Variants in AGAP1 observed in about 807,000 individuals in gnomAD.
AGAP1 encodes arf-GAP with GTPase, ANK repeat and PH domain-containing protein 1.
AGAP1 carries 29 observed loss-of-function variants against 105.3 expected under a neutral mutation model. That is an observed-to-expected ratio of 0.28 (90% CI 0.21 to 0.38). The LOEUF (loss-of-function observed/expected upper bound fraction) is 0.38, where lower values mean the gene tolerates loss of function less well. AGAP1 is among the 10% of genes least tolerant of loss of function. The probability of loss-of-function intolerance (pLI) is 1.00; values close to 1 mark genes in which losing one functional copy is unlikely to be tolerated. For synonymous variants in AGAP1, 509 were observed against 485.9 expected (o/e 1.05, Z -0.63); for missense variants, 998 against 1,165.1 (o/e 0.86, Z 2.09).
At chr2:235,688,005 C>T (rs1239069720) in intron 1 of AGAP1, among the ~76,000 whole-genome samples, 1 of 151,158 alleles carries the variant, frequency 6.6e-6, no homozygotes, top group Admixed American at 6.6e-5. Context: ...GGGTTCACGC[C>T]ATTCTCCCGC....
intron 3 of AGAP1, among the ~76,000 whole-genome samples, chr2:235,722,917 C>T (rs888498246): frequency 2.6e-4 from 40 of 151,982 alleles, no homozygotes; most frequent in Admixed American, 3.3e-4. Context: ...TATACACACA[C>T]TAAAAACTCA....
intron 1 of AGAP1, among the ~76,000 whole-genome samples, chr2:235,684,833 A>G (rs1182892777): frequency 2.0e-5 from 3 of 152,182 alleles, no homozygotes; most frequent in Non-Finnish European, 4.4e-5. Flanking sequence ...ATTGTGACCA[A>G]CAGGAGAGAC....
Position 236,077,142 on chromosome 2 carries a change from A to AATAT in AGAP1, c.2114+27876_2114+27879dup, listed in dbSNP as rs1340264497. 1.4e-4 allele frequency among the ~76,000 whole-genome samples: 15 copies of AATAT among 106,626 alleles called. No homozygotes were observed. The South Asian group carries it at 1.8e-3, about 12-fold the overall frequency. 70.0% of individuals were successfully genotyped at this position (106,626 alleles called of 152,430 possible). ...AAAAGAGTAGAAAAAAAAAAAAAAA[A>AATAT]ATATATATATATATATATTCATATT... On this transcript the variant is annotated intron_variant, in intron 16 of 17. Transcript: ENST00000304032.
intron 6 of AGAP1, among the ~76,000 whole-genome samples, chr2:235,770,800 C>T (rs1710823): frequency 0.25 from 38,538 of 152,010 alleles, 5,273 homozygotes; most frequent in Admixed American, 0.4. Context: ...GAATGTCTGA[C>T]CCCTGTACCG....
At position 236,002,364 on chromosome 2, in the gene AGAP1, T is replaced by C. The variant is rs930437639; in HGVS notation, c.1645+33741T>C. On this transcript the variant is annotated intron_variant, in intron 13 of 17. Coordinates refer to ENST00000304032, the MANE Select transcript of AGAP1 (RefSeq NM_001037131.3). The surrounding 1 kb of genome is among the most constrained non-coding windows in gnomAD (Gnocchi z 4.3). ...TGGACAGTCTGCAAATGACTTTCCT[T>C]CTTCCCTCATCCCCTTTCCCATCCT... Among the ~76,000 whole-genome samples, 1 of 152,202 alleles carries C rather than the reference T, an allele frequency of 6.6e-6. No individual in the cohort carries two copies.
intron 6 of AGAP1, among the ~76,000 whole-genome samples, chr2:235,759,293 C>T (rs1444096783): frequency 1.3e-5 from 2 of 151,804 alleles, no homozygotes; most frequent in Admixed American, 1.3e-4. Context: ...TTCAGCCTCC[C>T]AAGTAGCTGG....
chr2:235,614,421 C>T lies in AGAP1; in HGVS notation c.164-94758C>T, dbSNP rs764097213. Among the ~76,000 whole-genome samples the T allele has an allele frequency of 3.3e-5, 5 of 151,976 alleles. No individual in the cohort carries two copies. Among genetic ancestry groups the T allele is most frequent in the Non-Finnish European group, 7.3e-5 (5 of 68,028 alleles). The stretch of plus-strand genomic sequence containing the variant: ...GTCATCCCAGAGGAGCAGCAGCAAA[C>T]GGCCTGTGATGGGCTGGATGTATTT... On this transcript the variant is annotated intron_variant, in intron 1 of 17. Coordinates refer to ENST00000304032, the MANE Select transcript of AGAP1 (RefSeq NM_001037131.3). This position sits in a 1 kb window ranked among gnomAD's most constrained non-coding sequence, Gnocchi z 4.7.
At chr2:235,808,441 A>G (rs1055982031) in intron 9 of AGAP1, among the ~76,000 whole-genome samples, 2 of 152,202 alleles carry the variant, frequency 1.3e-5, no homozygotes. Flanking sequence ...GCAAATAGGA[A>G]CGCAGCCTTA....
chr2:235,499,760 G>A (rs767149305), intron 1 of AGAP1, among the ~76,000 whole-genome samples: 6 of 152,280 alleles, frequency 3.9e-5, no homozygotes, highest in South Asian at 2.1e-4. Flanking sequence ...TCTGCCCACC[G>A]TGTTTGGCTC....
At chr2:235,613,495 G>C (rs907898818) in intron 1 of AGAP1, among the ~76,000 whole-genome samples, 1 of 152,144 alleles carries the variant, frequency 6.6e-6, no homozygotes, top group African/African-American at 2.4e-5. Context: ...TTTTTGAGCA[G>C]AAACTGTGGA....
At chr2:235,654,605 G>T (rs1475655942) in intron 1 of AGAP1, among the ~76,000 whole-genome samples, 1 of 151,898 alleles carries the variant, frequency 6.6e-6, no homozygotes, top group African/African-American at 2.4e-5. Flanking sequence ...TGGAGATAAA[G>T]TGATCTCAAG....
At chr2:235,571,224 C>A (rs1232799017) in intron 1 of AGAP1, among the ~76,000 whole-genome samples, 1 of 152,232 alleles carries the variant, frequency 6.6e-6, no homozygotes, top group Non-Finnish European at 1.5e-5. Context: ...CACCAGGCCC[C>A]ACCTCCAACA....
At chr2:236,041,004 A>G (rs2057533617) in intron 15 of AGAP1, among the ~76,000 whole-genome samples, 163 bp downstream of exon 15, 1 of 152,194 alleles carries the variant, frequency 6.6e-6, no homozygotes, top group Non-Finnish European at 1.5e-5. Context: ...ACCTTAACAG[A>G]GTGCCTTCCA....
chr2:235,686,638 TATATATAGATATATATATATA>T (rs1949433530), intron 1 of AGAP1, among the ~76,000 whole-genome samples: 5 of 49,374 alleles, frequency 1.0e-4, no homozygotes, highest in Admixed American at 5.0e-4. Context: ...TATATATATA[TATATATAGATATATATATATA>T]TATATATTTT....
rs1039906310 is a variant in AGAP1, at chr2:236,003,192, A to G, written c.1646-33369A>G. On this transcript the variant is annotated intron_variant, in intron 13 of 17. Coordinates refer to ENST00000304032, the MANE Select transcript of AGAP1 (RefSeq NM_001037131.3). The surrounding 1 kb of genome is among the most constrained non-coding windows in gnomAD (Gnocchi z 4.2). Reference sequence around the variant, plus strand: ...CCCAAGTAGCTGGGACTACAGGCACATGCCGCCACGCCCAGCTAATTTTTG... The same window carrying G: ...CCCAAGTAGCTGGGACTACAGGCACGTGCCGCCACGCCCAGCTAATTTTTG... 3.3e-5 allele frequency among the ~76,000 whole-genome samples: 5 copies of G among 152,136 alleles called. No homozygotes were observed. The highest frequency in any genetic ancestry group is 5.9e-5 in the Non-Finnish European group (4 of 68,020).
rs1178720789 is a variant in AGAP1 at position 236,005,118 on chromosome 2, A to G, written c.1646-31443A>G. On this transcript the variant is annotated intron_variant, in intron 13 of 17. Transcript: ENST00000304032. The surrounding 1 kb of genome is among the most constrained non-coding windows in gnomAD (Gnocchi z 4.1). Reference sequence around the variant, plus strand: ...ACCACTTCCCCCTGACAAGTTTCCCATGTTTTTTGTGTGTGTGTGTGTTTT... The same window carrying G: ...ACCACTTCCCCCTGACAAGTTTCCCGTGTTTTTTGTGTGTGTGTGTGTTTT... Among the ~76,000 whole-genome samples, 2 of 142,694 alleles carry G rather than the reference A, an allele frequency of 1.4e-5. No homozygotes were observed. Among genetic ancestry groups the G allele is most frequent in the African/African-American group, 2.7e-5 (1 of 36,688 alleles). The allele number at this position is 142,694 out of a possible 152,430, so 93.6% of individuals were successfully genotyped here. A position where few individuals can be genotyped will look rare whatever the true frequency, so the allele number is the denominator to read the frequency against.
chr2:235,794,181 C>G (rs371740949), intron 6 of AGAP1, among the ~76,000 whole-genome samples: 1 of 152,134 alleles, frequency 6.6e-6, no homozygotes, highest in Non-Finnish European at 1.5e-5. Context: ...CACACACACA[C>G]GCACACTTGC....
In AGAP1 at chr2:235,994,605, T is replaced by C. The variant is rs917293274; in HGVS notation, c.1645+25982T>C. ...TAATTGCACTCCCTGCATTGTCTTA[T>C]TCAGTCCCGACTTTCCCAACGCCTC... On this transcript the variant is annotated intron_variant, in intron 13 of 17. Coordinates refer to ENST00000304032, the MANE Select transcript of AGAP1 (RefSeq NM_001037131.3). The surrounding 1 kb of genome is among the most constrained non-coding windows in gnomAD (Gnocchi z 4.4). Among the ~76,000 whole-genome samples the C allele has an allele frequency of 3.9e-5, 6 of 152,148 alleles. No individual in the cohort carries two copies. The highest frequency in any genetic ancestry group is 1.4e-4 in the African/African-American group (6 of 41,442).
At position 235,988,647 on chromosome 2, in the gene AGAP1, T is replaced by C. The variant is rs2055424468; in HGVS notation, c.1645+20024T>C. Reference sequence around the variant, plus strand: ...AACACTTGCATTTTTCCTGTAACTTTCCAGTAATGAGGGGGCCCAGTGGGT... The same window carrying C: ...AACACTTGCATTTTTCCTGTAACTTCCCAGTAATGAGGGGGCCCAGTGGGT... On this transcript the variant is annotated intron_variant, in intron 13 of 17. Transcript: ENST00000304032. The surrounding 1 kb of genome is among the most constrained non-coding windows in gnomAD (Gnocchi z 4.7). Among the ~76,000 whole-genome samples, 1 of 152,100 alleles carries C rather than the reference T, an allele frequency of 6.6e-6. No homozygotes were observed. The highest frequency in any genetic ancestry group is 6.6e-5 in the Admixed American group (1 of 15,254).
Sources: gnomAD v4.1 joint callset for allele counts (sites outside exome capture counted in the v4.1 genomes callset) on GRCh38, gnomAD v4.1.1 for gene constraint, Gnocchi (gnomAD v3.1) non-coding constraint, MANE v1.5 for transcripts, NCBI Gene and HGNC (gene_info 2026-07-23, HGNC 2026-07-21) for gene names.